The following PHEX variants were observed in gnomAD, a reference collection of about 807,000 sequenced individuals.
PHEX encodes phosphate regulating endopeptidase X-linked.
A neutral mutation model predicts 68.0 loss-of-function variants in PHEX; 16 were observed. That is an observed-to-expected ratio of 0.24 (90% confidence interval 0.16 to 0.36). The LOEUF (loss-of-function observed/expected upper bound fraction) is 0.36. PHEX is among the 10% of genes least tolerant of loss of function. The pLI, the probability that PHEX is intolerant of heterozygous loss-of-function variation, is 1.00. For synonymous variants in PHEX, 208 were observed against 205.1 expected (o/e 1.01, Z -0.12); for missense variants, 480 against 575.5 (o/e 0.83, Z 1.70).
intron 14 of PHEX, among the ~76,000 whole-genome samples, chrX:22,178,895 C>A (rs1438838718): frequency 8.9e-6 from 1 of 111,749 alleles, no homozygotes; most frequent in African/African-American, 3.2e-5. Flanking sequence ...GTTTTTCCTA[C>A]AGATAGGAGA....
intron 3 of PHEX, among the ~76,000 whole-genome samples, chrX:22,071,823 C>T (rs1015601143): frequency 1.8e-5 from 2 of 112,604 alleles, no homozygotes; most frequent in African/African-American, 3.2e-5. Flanking sequence ...TGTCACCGGG[C>T]GCGGTGGCTC....
At chrX:22,038,032 G>A (rs1927101011) in intron 1 of PHEX, among the ~76,000 whole-genome samples, 1 of 111,309 alleles carries the variant, frequency 9.0e-6, no homozygotes, top group Non-Finnish European at 1.9e-5. Context: ...ACTTTAGAGA[G>A]TGTCTCGCCC....
intron 20 of PHEX, among the ~76,000 whole-genome samples, chrX:22,239,033 C>A (rs1277973653): frequency 8.9e-6 from 1 of 111,947 alleles, no homozygotes; most frequent in Admixed American, 9.4e-5. Flanking sequence ...GAGGAAGGAA[C>A]AGGCAGCAAT....
At position 22,235,057 on chromosome X, in the gene PHEX, C is replaced by G. The variant is rs1212698837; in HGVS notation, c.2070+7446C>G. On this transcript the variant is annotated intron_variant, in intron 20 of 21. Coordinates refer to ENST00000379374, the MANE Select transcript of PHEX (RefSeq NM_000444.6). ...GAGTGCACGGTTCCTCAGGCTCAGT[C>G]CCTCATGGCTTCCCTTGGGTAGGGG... is the stretch of plus-strand genomic sequence containing the variant. Among the ~76,000 whole-genome samples the G allele has an allele frequency of 2.7e-5, 3 of 110,924 alleles. No individual in the cohort carries two copies. In the Admixed American group the frequency reaches 2.9e-4, roughly 11 times the overall value.
intron 11 of PHEX, among the ~76,000 whole-genome samples, chrX:22,128,998 A>C (rs1368080259): frequency 9.0e-6 from 1 of 111,363 alleles, no homozygotes; most frequent in East Asian, 2.8e-4. Context: ...ACTAATAATA[A>C]AATAGAACAG....
intron 21 of PHEX, 40 bp from the exon 22 acceptor site, chrX:22,247,811 A>C: frequency 2.1e-6 from 2 of 948,779 alleles, no homozygotes; most frequent in Non-Finnish European, 3.1e-6. Context: ...GTTGATGTGC[A>C]AGAATTATAT....
chrX:22,043,905 C>T (rs1175109262), intron 2 of PHEX, among the ~76,000 whole-genome samples: 2 of 110,925 alleles, frequency 1.8e-5, no homozygotes, highest in Non-Finnish European at 3.8e-5. Context: ...GGGGGAAAGG[C>T]GTTTTGGTGT....
At chrX:22,147,015 A>G (rs1932729948) in intron 12 of PHEX, among the ~76,000 whole-genome samples, 1 of 110,910 alleles carries the variant, frequency 9.0e-6, no homozygotes, top group Non-Finnish European at 1.9e-5. Context: ...CAGTTGGGAA[A>G]TGCCACAATA....
chrX:22,177,805 A>G (rs1220349508), intron 13 of PHEX, among the ~76,000 whole-genome samples: 1 of 111,877 alleles, frequency 8.9e-6, no homozygotes, highest in Non-Finnish European at 1.9e-5. Flanking sequence ...ACAACTACCA[A>G]TTATTTGACT....
At chrX:22,181,751 G>C (rs762874315) in intron 14 of PHEX, among the ~76,000 whole-genome samples, 43 of 111,284 alleles carry the variant, frequency 3.9e-4, no homozygotes, top group African/African-American at 1.4e-3. Flanking sequence ...TCAATTTCTC[G>C]CATCAATGTT....
intron 20 of PHEX, among the ~76,000 whole-genome samples, chrX:22,234,340 C>T (rs112859112): frequency 8.9e-6 from 1 of 112,536 alleles, no homozygotes; most frequent in South Asian, 3.7e-4. Context: ...CAGGCAGGGA[C>T]GTTTAAGTCT....
chrX:22,116,556 G>A (rs1001587675), intron 11 of PHEX, among the ~76,000 whole-genome samples: 2 of 111,421 alleles, frequency 1.8e-5, no homozygotes, highest in Admixed American at 9.5e-5. Context: ...TTGGTATCAC[G>A]TAGTGATACA....
intron 15 of PHEX, among the ~76,000 whole-genome samples, chrX:22,200,684 G>A (rs937628801): frequency 9.0e-6 from 1 of 111,453 alleles, no homozygotes; most frequent in Non-Finnish European, 1.9e-5. Flanking sequence ...AAGGTTAAGG[G>A]TATGATATAA....
Position 22,250,988 on chromosome X carries a change from C to T in PHEX, c.*3035C>T, listed in dbSNP as rs1326092952. ...TTGGTCTACTGACCTGTGGATTAAA[C>T]TCTATCCCTTAGATTATCCCATTTC... On this transcript the variant is annotated 3_prime_UTR_variant, in exon 22 of 22. Transcript: ENST00000379374. 3 of 112,114 alleles carry T rather than the reference C, an allele frequency of 2.7e-5. No individual in the cohort carries two copies. Among genetic ancestry groups the T allele is most frequent in the Non-Finnish European group, 5.6e-5 (3 of 53,237 alleles). The allele number at this position is 112,114 out of a possible 1,213,427, so 9.2% of individuals were successfully genotyped here.
chrX:22,231,110 T>C (rs913608519), intron 20 of PHEX, among the ~76,000 whole-genome samples: 17 of 112,873 alleles, frequency 1.5e-4, no homozygotes, highest in African/African-American at 5.2e-4. Flanking sequence ...ATCCCATGTA[T>C]GAAGCCGACT....
chrX:22,136,463 T>A (rs1468328428), intron 12 of PHEX, among the ~76,000 whole-genome samples: 1 of 112,141 alleles, frequency 8.9e-6, no homozygotes, highest in Non-Finnish European at 1.9e-5. Flanking sequence ...GCGGAAGATT[T>A]CTCATCAATA....
intron 9 of PHEX, among the ~76,000 whole-genome samples, chrX:22,102,504 C>A (rs1240574917): frequency 8.9e-6 from 1 of 112,295 alleles, no homozygotes; most frequent in Non-Finnish European, 1.9e-5. Context: ...TTCTGGCAGG[C>A]TGTCTTGTGA....
chrX:22,075,076 CA>C (rs34459808), intron 3 of PHEX, among the ~76,000 whole-genome samples: 24 of 89,604 alleles, frequency 2.7e-4, no homozygotes, highest in Non-Finnish European at 2.2e-4. Context: ...TACTCTGTTT[CA>C]AAAAAAAAAA....
At chrX:22,071,005 T>C (rs1928876260) in intron 3 of PHEX, among the ~76,000 whole-genome samples, 2 of 111,979 alleles carry the variant, frequency 1.8e-5, no homozygotes, top group African/African-American at 6.5e-5. Flanking sequence ...CAGATGGCTG[T>C]TATGAACTCT....
Sources: gnomAD v4.1 joint callset for allele counts (sites outside exome capture counted in the v4.1 genomes callset) on GRCh38, gnomAD v4.1.1 for gene constraint, MANE v1.5 for transcripts, NCBI Gene and HGNC (gene_info 2026-07-23, HGNC 2026-07-21) for gene names.